Variants in FGF2 observed in about 807,000 individuals in gnomAD.
FGF2 encodes basic fibroblast growth factor bFGF.
Under a neutral mutation model 15.9 loss-of-function variants are expected in FGF2, and 13 were observed. The observed-to-expected ratio is 0.82, with a 90% CI of 0.53 to 1.30. FGF2 has a LOEUF of 1.30. FGF2 is among the 50% of genes most tolerant of loss of function. The probability of loss-of-function intolerance (pLI) is 0.00; values close to 1 mark genes in which losing one functional copy is unlikely to be tolerated. For missense variants in FGF2, 163 were observed against 196.9 expected (o/e 0.83, Z 1.03); for synonymous variants, 90 against 78.4 (o/e 1.15, Z -0.78).
rs563280298 is a variant in FGF2, at chr4:122,832,125, T to C, written c.178+4773T>C. Among the ~76,000 whole-genome samples the C allele has an allele frequency of 2.2e-4, 34 of 152,304 alleles. No homozygotes were observed. The South Asian group carries it at 7.0e-3, about 32-fold the overall frequency. ...TGCTTGTTTTTCCAATTCTAGTGTT[T>C]GTTGATTTTCCAGATACCCTACTTG... is the stretch of plus-strand genomic sequence containing the variant. On this transcript the variant is annotated intron_variant, in intron 1 of 2. Transcript: ENST00000644866.
At chr4:122,856,113 A>G (rs1320405608) in intron 1 of FGF2, among the ~76,000 whole-genome samples, 1 of 152,212 alleles carries the variant, frequency 6.6e-6, no homozygotes. Flanking sequence ...TCTTCAAAAC[A>G]TTTTACATAT....
chr4:122,894,969 T>C lies in FGF2; in HGVS notation c.*2573T>C, dbSNP rs2168915. On this transcript the variant is annotated 3_prime_UTR_variant, in exon 3 of 3. Transcript: ENST00000644866. The stretch of plus-strand genomic sequence containing the variant: ...TGCTGTTTCTATGTCGTGGAAGCAC[T>C]GGATGGGGGTAGTGAGCAAATCTGC... 0.99 allele frequency: 150,941 copies of C among 152,316 alleles called. 74,789 individuals carry two copies. Among genetic ancestry groups the C allele is most frequent in the East Asian group, 1 (5,186 of 5,186 alleles). 9.4% of individuals were successfully genotyped at this position (152,316 alleles called of 1,614,324 possible).
intron 2 of FGF2, among the ~76,000 whole-genome samples, chr4:122,888,476 C>T (rs1032141248): frequency 1.3e-5 from 2 of 152,144 alleles, no homozygotes; most frequent in African/African-American, 4.8e-5. Context: ...GAATAAGAGC[C>T]AAATATTTAC....
chr4:122,864,788 TTCTC>T (rs903535745), intron 1 of FGF2, among the ~76,000 whole-genome samples: 2 of 152,208 alleles, frequency 1.3e-5, no homozygotes, highest in East Asian at 1.9e-4. Context: ...AATTGAGAAA[TTCTC>T]TCTCCCTCCT....
rs1048407271 is a variant in FGF2 at position 122,826,977 on chromosome 4, C to A, written c.-198C>A. On this transcript the variant is annotated 5_prime_UTR_variant, in exon 1 of 3. Coordinates refer to ENST00000644866, the MANE Select transcript of FGF2 (RefSeq NM_001361665.2). ...CGCCGGCTCGCCGCGCACCAGGGGC[C>A]GGCGGACAGAAGAGCGGCCGAGCGG... 3 of 1,309,714 alleles carry A rather than the reference C, an allele frequency of 2.3e-6. No homozygotes were observed. Among genetic ancestry groups the A allele is most frequent in the Non-Finnish European group, 2.9e-6 (3 of 1,026,946 alleles). The allele number at this position is 1,309,714 out of a possible 1,614,324, so 81.1% of individuals were successfully genotyped here.
chr4:122,831,924 A>G (rs1725772886), intron 1 of FGF2, among the ~76,000 whole-genome samples: 1 of 152,236 alleles, frequency 6.6e-6, no homozygotes, highest in Admixed American at 6.5e-5. Context: ...CAAAACAAGA[A>G]CGGTTCTTTA....
intron 1 of FGF2, among the ~76,000 whole-genome samples, chr4:122,875,368 G>A (rs1053069352): frequency 1.3e-5 from 2 of 150,048 alleles, no homozygotes; most frequent in African/African-American, 4.9e-5. Context: ...AAAATCATTT[G>A]CTGTGTAAGC....
chr4:122,880,410 C>G (rs1351679299), intron 2 of FGF2, among the ~76,000 whole-genome samples: 1 of 152,030 alleles, frequency 6.6e-6, no homozygotes, highest in African/African-American at 2.4e-5. Context: ...CCATGCCCGG[C>G]TAATTTTTTG....
At chr4:122,872,218 C>T (rs1389019597) in intron 1 of FGF2, among the ~76,000 whole-genome samples, 1 of 151,974 alleles carries the variant, frequency 6.6e-6, no homozygotes, top group Non-Finnish European at 1.5e-5. Context: ...ATGAGAACTT[C>T]GTGAAGCATA....
intron 1 of FGF2, among the ~76,000 whole-genome samples, chr4:122,828,953 A>G (rs1725705637): frequency 6.6e-6 from 1 of 152,246 alleles, no homozygotes; most frequent in South Asian, 2.1e-4. Flanking sequence ...TCTTTCTAGT[A>G]TCACAAATTA....
At chr4:122,855,334 T>C (rs919903895) in intron 1 of FGF2, among the ~76,000 whole-genome samples, 8 of 152,264 alleles carry the variant, frequency 5.3e-5, no homozygotes, top group Non-Finnish European at 1.2e-4. Flanking sequence ...AGGCAGCTTA[T>C]ATTTTTGTTT....
intron 1 of FGF2, among the ~76,000 whole-genome samples, chr4:122,857,893 C>G (rs996631793): frequency 2.0e-5 from 3 of 152,128 alleles, no homozygotes; most frequent in Non-Finnish European, 4.4e-5. Context: ...TCATCATCTA[C>G]AATCTTAAGT....
chr4:122,891,041 G>GT (rs1560760218), intron 2 of FGF2, among the ~76,000 whole-genome samples: 1 of 103,256 alleles, frequency 9.7e-6, no homozygotes, highest in Non-Finnish European at 2.1e-5. Context: ...TTTTTGTTTT[G>GT]TTTTGTTTTG....
chr4:122,897,599 A>G lies in FGF2; in HGVS notation c.*5203A>G. 1.3e-6 allele frequency: 2 copies of G among 1,498,244 alleles called. No individual in the cohort carries two copies. The highest frequency in any genetic ancestry group is 1.1e-5 in the South Asian group (1 of 88,432). 92.8% of individuals were successfully genotyped at this position (1,498,244 alleles called of 1,614,324 possible). On this transcript the variant is annotated 3_prime_UTR_variant, in exon 3 of 3. Transcript: ENST00000644866. ...TTAATTTCCTCAACATTTTTAAGCCAATTAAAAATATAAAAGATACACACC... is the reference window on the plus strand; with the variant it reads ...TTAATTTCCTCAACATTTTTAAGCCGATTAAAAATATAAAAGATACACACC...
intron 1 of FGF2, among the ~76,000 whole-genome samples, chr4:122,829,857 A>T (rs1361542485): frequency 6.6e-6 from 1 of 152,194 alleles, no homozygotes; most frequent in Non-Finnish European, 1.5e-5. Flanking sequence ...AGTACAGTAT[A>T]TTATTTTCTC....
chr4:122,872,161 A>T (rs1726752033), intron 1 of FGF2, among the ~76,000 whole-genome samples: 1 of 152,166 alleles, frequency 6.6e-6, no homozygotes, highest in Non-Finnish European at 1.5e-5. Flanking sequence ...TAGAATAACC[A>T]GTTTAGAGAG....
At chr4:122,831,919 CAAG>C (rs1553946537) in intron 1 of FGF2, among the ~76,000 whole-genome samples, 2 of 152,162 alleles carry the variant, frequency 1.3e-5, no homozygotes, top group Non-Finnish European at 2.9e-5. Flanking sequence ...ATGAACAAAA[CAAG>C]AACGGTTCTT....
chr4:122,866,266 G>A (rs1726578775), intron 1 of FGF2, among the ~76,000 whole-genome samples: 1 of 152,096 alleles, frequency 6.6e-6, no homozygotes, highest in Admixed American at 6.6e-5. Flanking sequence ...TACTCGGGAG[G>A]CTGAGGCAGG....
intron 1 of FGF2, among the ~76,000 whole-genome samples, chr4:122,875,486 G>A (rs890411157): frequency 7.5e-6 from 1 of 133,502 alleles, no homozygotes; most frequent in East Asian, 3.0e-4. Context: ...GTTCATTGAA[G>A]AGGAAGCTAG....
Sources: allele counts gnomAD v4.1 joint callset (sites outside exome capture counted in the v4.1 genomes callset), GRCh38; gene constraint gnomAD v4.1.1; transcripts MANE v1.5; gene names NCBI Gene and HGNC (gene_info 2026-07-23, HGNC 2026-07-21).